Variants in CAST observed in about 807,000 individuals in gnomAD.
CAST encodes MIR583 host.
Under a neutral mutation model 119.6 loss-of-function variants are expected in CAST, and 76 were observed. The observed-to-expected ratio is 0.64, with a 90% CI of 0.53 to 0.77. The LOEUF is 0.77. CAST is among the 30% of genes least tolerant of loss of function. CAST has a pLI of 0.00. For synonymous variants in CAST, 319 were observed against 331.6 expected (o/e 0.96, Z 0.41); for missense variants, 953 against 946.5 (o/e 1.01, Z -0.09).
the CAST span, among the ~76,000 whole-genome samples, chr5:96,144,643 G>C: frequency 1.3e-5 from 2 of 148,956 alleles, no homozygotes; most frequent in African/African-American, 4.9e-5. Context: ...TCATTCATTT[G>C]TTCGTTCATA....
chr5:96,045,292 G>A, the CAST span, among the ~76,000 whole-genome samples: 2 of 151,682 alleles, frequency 1.3e-5, no homozygotes, highest in Admixed American at 6.6e-5. Flanking sequence ...GGCGGAGGTC[G>A]CAGTGAGCTG....
the CAST span, among the ~76,000 whole-genome samples, chr5:96,473,863 A>G: frequency 6.6e-6 from 1 of 152,170 alleles, no homozygotes; most frequent in Non-Finnish European, 1.5e-5. Flanking sequence ...TGCTACAGAA[A>G]CTGTCCCAAT....
At chr5:96,186,869 G>A in the CAST span, among the ~76,000 whole-genome samples, 71 of 152,284 alleles carry the variant, frequency 4.7e-4, no homozygotes, top group African/African-American at 1.7e-3. Context: ...TTTACAGAAT[G>A]AGTTAGGGAG....
chr5:96,249,428 T>A, the CAST span, among the ~76,000 whole-genome samples: 2 of 152,220 alleles, frequency 1.3e-5, no homozygotes, highest in African/African-American at 4.8e-5. Flanking sequence ...AAGGACATAA[T>A]AATACTACTT....
At chr5:96,152,743 C>T in the CAST span, among the ~76,000 whole-genome samples, 3 of 150,836 alleles carry the variant, frequency 2.0e-5, no homozygotes, top group Admixed American at 6.6e-5. Context: ...CTGCCAAATA[C>T]AGTGTAAAAA....
the CAST span, among the ~76,000 whole-genome samples, chr5:96,322,120 A>G: frequency 2.6e-5 from 4 of 152,114 alleles, no homozygotes; most frequent in Non-Finnish European, 5.9e-5. Flanking sequence ...CATAGAAGGG[A>G]GTCTATTTTA....
chr5:96,160,779 G>A, the CAST span, among the ~76,000 whole-genome samples: 3 of 152,122 alleles, frequency 2.0e-5, no homozygotes, highest in South Asian at 2.1e-4. Flanking sequence ...CTTATTTTCT[G>A]TCTTTCTTAT....
intron 1 of CAST, among the ~76,000 whole-genome samples, chr5:96,636,923 A>G (rs1206079809): frequency 1.7e-5 from 2 of 120,024 alleles, no homozygotes; most frequent in African/African-American, 6.5e-5. Context: ...GGGGGTCAAG[A>G]TGCGGTGTTG....
intron 2 of CAST, among the ~76,000 whole-genome samples, chr5:96,693,238 C>T (rs1192647471): frequency 6.6e-6 from 1 of 152,182 alleles, no homozygotes; most frequent in Non-Finnish European, 1.5e-5. Flanking sequence ...ACAGATCATA[C>T]CCACAAGAAA....
chr5:96,517,386 A>G, the CAST span, among the ~76,000 whole-genome samples: 1 of 152,208 alleles, frequency 6.6e-6, no homozygotes, highest in Admixed American at 6.5e-5. Context: ...TGATAAATCA[A>G]ATCAGGAGAC....
the CAST span, among the ~76,000 whole-genome samples, chr5:96,019,887 G>T: frequency 6.6e-6 from 1 of 152,134 alleles, no homozygotes; most frequent in African/African-American, 2.4e-5. Flanking sequence ...TTGAGTAAAT[G>T]CGATTTCCAA....
rs1244459740 is a variant in CAST at position 96,741,290 on chromosome 5, A to G, written c.943A>G (p.Ile315Val). Reference sequence around the variant, plus strand: ...GAAACCCATAGGGCCAGATGATGCTATAGACGCCTTGTCATCTGACTTCAC... The same window carrying G: ...GAAACCCATAGGGCCAGATGATGCTGTAGACGCCTTGTCATCTGACTTCAC... ...SSKPIGPDDA[I>V]DALSSDFTCG... Residue 315 changes from isoleucine (I) to valine (V), a missense_variant, in exon 14 of 32, where the codon ATA becomes GTA. Ile to Val is a conservative substitution (Grantham distance 29). Transcript: ENST00000675179. The G allele has an allele frequency of 2.5e-6, 4 of 1,612,116 alleles. No individual in the cohort carries two copies. In the Admixed American group the frequency reaches 5.0e-5, roughly 20 times the overall value.
chr5:96,394,937 G>C, the CAST span: 1 of 1,614,034 alleles, frequency 6.2e-7, no homozygotes, highest in Non-Finnish European at 8.5e-7. Flanking sequence ...GTACACACGA[G>C]GCTGCTTCAT....
chr5:96,368,181 A>G, the CAST span, among the ~76,000 whole-genome samples: 2 of 150,400 alleles, frequency 1.3e-5, no homozygotes, highest in Non-Finnish European at 3.0e-5. Context: ...GTTACTAATT[A>G]CCAATTTTTA....
At chr5:96,426,835 A>C in the CAST span, among the ~76,000 whole-genome samples, 1 of 152,216 alleles carries the variant, frequency 6.6e-6, no homozygotes, top group East Asian at 1.9e-4. Flanking sequence ...ATAATTTGCA[A>C]CTGAAGGATA....
the CAST span, among the ~76,000 whole-genome samples, chr5:96,369,620 C>T: frequency 6.6e-6 from 1 of 152,058 alleles, no homozygotes; most frequent in African/African-American, 2.4e-5. Context: ...TATGAGAAGA[C>T]CTTTTAATCT....
At chr5:96,032,387 T>C in the CAST span, among the ~76,000 whole-genome samples, 266 of 152,234 alleles carry the variant, frequency 1.7e-3, no homozygotes, top group African/African-American at 6.1e-3. Flanking sequence ...GCCAAAAAGA[T>C]CAGTTCAGTT....
intron 2 of CAST, among the ~76,000 whole-genome samples, chr5:96,692,727 T>G (rs1212491624): frequency 6.6e-6 from 1 of 152,208 alleles, no homozygotes; most frequent in Non-Finnish European, 1.5e-5. Flanking sequence ...AATCACTCTC[T>G]GTTACCTCAT....
At chr5:96,749,526 C>T (rs1173773238) in intron 19 of CAST, among the ~76,000 whole-genome samples, 1 of 152,086 alleles carries the variant, frequency 6.6e-6, no homozygotes, top group African/African-American at 2.4e-5. Context: ...AGGTTTGCTT[C>T]TGTTCTTTTT....
Sources: allele counts gnomAD v4.1 joint callset (sites outside exome capture counted in the v4.1 genomes callset), GRCh38; gene constraint gnomAD v4.1.1; transcripts MANE v1.5; gene names NCBI Gene and HGNC (gene_info 2026-07-23, HGNC 2026-07-21).